Variants in PRPF8 observed in about 807,000 individuals in gnomAD.
The protein encoded by PRPF8 is pre-mRNA processing factor 8.
A neutral mutation model predicts 285.9 loss-of-function variants in PRPF8; 64 were observed. The observed-to-expected ratio is 0.22, with a 90% CI of 0.18 to 0.28. The LOEUF is 0.28. PRPF8 is among the 10% of genes least tolerant of loss of function. The pLI, the probability that PRPF8 is intolerant of heterozygous loss-of-function variation, is 1.00. For missense variants in PRPF8, 1,426 were observed against 3,026.7 expected (o/e 0.47, Z 12.41); for synonymous variants, 1,325 against 1,118.2 (o/e 1.18, Z -3.69).
At chr17:1,656,808 C>T in intron 34 of PRPF8, 47 bp from the exon 35 acceptor site, 4 of 1,470,540 alleles carry the variant, frequency 2.7e-6, no homozygotes, top group Non-Finnish European at 3.8e-6. Flanking sequence ...TCTACCCTCC[C>T]AGATCAACTA....
At chr17:1,657,481 T>TA (rs1911449888) in intron 34 of PRPF8, among the ~76,000 whole-genome samples, 1 of 151,100 alleles carries the variant, frequency 6.6e-6, no homozygotes, top group Non-Finnish European at 1.5e-5. Context: ...CCGTCTCTAC[T>TA]AAAAATACAA....
chr17:1,676,870 AAAAGAAAAG>A lies in PRPF8; in HGVS notation c.2181+97_2181+105del. ...TGCTTCTTTTCCCTGTCTAAAAGGG[AAAAGAAAAG>A]AGATTGGAGCCAGATAGCCCCCTAA... On this transcript the variant is annotated intron_variant, in intron 15 of 42. Coordinates refer to ENST00000304992, the MANE Select transcript of PRPF8 (RefSeq NM_006445.4). This position sits in a 1 kb window ranked among gnomAD's most constrained non-coding sequence, Gnocchi z 6.3. The A allele has an allele frequency of 1.3e-6, 2 of 1,510,260 alleles. No individual in the cohort carries two copies. Among genetic ancestry groups the A allele is most frequent in the Non-Finnish European group, 1.8e-6 (2 of 1,096,784 alleles). The allele number at this position is 1,510,260 out of a possible 1,614,324, so 93.6% of individuals were successfully genotyped here.
At chr17:1,660,931 G>T (rs111803407) in intron 28 of PRPF8, 62 bp downstream of exon 28, 2 of 1,612,472 alleles carry the variant, frequency 1.2e-6, no homozygotes, top group Non-Finnish European at 1.7e-6. Flanking sequence ...AAATCACAGA[G>T]GCATACAAGA....
chr17:1,669,372 T>A (rs868383983), intron 24 of PRPF8, among the ~76,000 whole-genome samples: 5 of 152,352 alleles, frequency 3.3e-5, no homozygotes, highest in Middle Eastern at 3.4e-3. Context: ...CCCAAAGTGC[T>A]GGGATTACGG....
chr17:1,681,787 C>G lies in PRPF8; in HGVS notation c.653+33G>C, dbSNP rs114098620. The G allele has an allele frequency of 1.9e-3, 3,043 of 1,612,756 alleles. 50 individuals carry two copies. In the African/African-American group the frequency reaches 0.036, roughly 19 times the overall value. Reference sequence around the variant, plus strand: ...GACTCCTTCTGCATTTCCAGAACTCCTCCCAGGTGTAGTATCTCCATCTAT... The same window carrying G: ...GACTCCTTCTGCATTTCCAGAACTCGTCCCAGGTGTAGTATCTCCATCTAT... On this transcript the variant is annotated intron_variant, in intron 5 of 42. Transcript: ENST00000304992.
At chr17:1,662,393 A>G (rs1380059787) in intron 24 of PRPF8, among the ~76,000 whole-genome samples, 1 of 152,138 alleles carries the variant, frequency 6.6e-6, no homozygotes, top group East Asian at 1.9e-4. Context: ...GTTGGAGACC[A>G]GCCTGGCCAA....
Position 1,678,580 on chromosome 17 carries a change from G to C in PRPF8, c.1792C>G (p.Leu598Val). The stretch of plus-strand genomic sequence containing the variant: ...TTGCACATGCGAATCTGTCGCATCA[G>C]CTTGTATTTGTATCGATACATGCCC... ...LTGMYRYKYK[L>V]MRQIRMCKDL... The change falls in exon 13 of 43, where the codon CTG becomes GTG. Residue 598 changes from leucine (L) to valine (V), a missense_variant. Physicochemically the swap from Leu to Val is conservative, Grantham distance 32. Around this residue, in one of 34 missense-constraint regions of PRPF8, gnomAD observed 69 missense variants for 134.7 expected, o/e 0.51. Coordinates refer to ENST00000304992, the MANE Select transcript of PRPF8 (RefSeq NM_006445.4). The C allele has an allele frequency of 6.2e-7, 1 of 1,614,232 alleles. No individual in the cohort carries two copies. Among genetic ancestry groups the C allele is most frequent in the Non-Finnish European group, 8.5e-7 (1 of 1,180,038 alleles).
At chr17:1,652,244 A>C (rs1911119313) in intron 39 of PRPF8, 1 of 305,880 alleles carries the variant, frequency 3.3e-6, no homozygotes, top group African/African-American at 2.2e-5. Context: ...GACAGCCACT[A>C]AATAGTGGGT....
In PRPF8 at chr17:1,673,709, T is replaced by C. The variant is rs956267705; in HGVS notation, c.3446+37A>G. Reference sequence around the variant, plus strand: ...ATGCCCTCTCTGGGCCCTTAGCTTATGTCCTTCCAGCTCACACAGCCCCAA... The same window carrying C: ...ATGCCCTCTCTGGGCCCTTAGCTTACGTCCTTCCAGCTCACACAGCCCCAA... On this transcript the variant is annotated intron_variant, in intron 22 of 42. Transcript: ENST00000304992. The surrounding 1 kb of genome is among the most constrained non-coding windows in gnomAD (Gnocchi z 5.5). 36 of 1,613,412 alleles carry C rather than the reference T, an allele frequency of 2.2e-5. No homozygotes were observed. Among genetic ancestry groups the C allele is most frequent in the Non-Finnish European group, 2.7e-5 (32 of 1,179,952 alleles).
At position 1,661,343 on chromosome 17, in the gene PRPF8, G is replaced by A. The variant is rs147414278; in HGVS notation, c.4266C>T (p.Leu1422=). The A allele has an allele frequency of 3.1e-6, 5 of 1,614,210 alleles. No homozygotes were observed. Among genetic ancestry groups the A allele is most frequent in the East Asian group, 2.2e-5 (1 of 44,888 alleles). Residue 1422 remains leucine, a synonymous_variant, in exon 27 of 43, where the codon CTC becomes CTT. Coordinates refer to ENST00000304992, the MANE Select transcript of PRPF8 (RefSeq NM_006445.4). The surrounding 1 kb of genome is among the most constrained non-coding windows in gnomAD (Gnocchi z 7.3). ...WDRGIPRINT[L]FQKDRHTLAY... ...CCAGTGTGTGCCGGTCCTTCTGGAA[G>A]AGGGTATTGATTCGAGGAATGCCAC...
rs1912521302 is a variant in PRPF8 at position 1,674,750 on chromosome 17, T to C, written c.3061-70A>G. The stretch of plus-strand genomic sequence containing the variant: ...CAGGATTCTCCAGAGTTAACCTCTT[T>C]TGTTCTCCCCTCAGCAAATTCTACT... On this transcript the variant is annotated intron_variant, in intron 20 of 42. Coordinates refer to ENST00000304992, the MANE Select transcript of PRPF8 (RefSeq NM_006445.4). 15 of 1,487,748 alleles carry C rather than the reference T, an allele frequency of 1.0e-5. No homozygotes were observed. In the East Asian group the frequency reaches 3.4e-4, roughly 34 times the overall value. The allele number at this position is 1,487,748 out of a possible 1,614,324, so 92.2% of individuals were successfully genotyped here. A position where few individuals can be genotyped will look rare whatever the true frequency, so the allele number is the denominator to read the frequency against.
intron 36 of PRPF8, 76 bp from the exon 37 acceptor site, chr17:1,655,619 A>G: frequency 9.6e-6 from 13 of 1,357,706 alleles, no homozygotes; most frequent in South Asian, 7.3e-5. Context: ...CTTTCATGAA[A>G]CCCAAGAATT....
Position 1,662,173 on chromosome 17 carries a change from A to C in PRPF8, c.3775-20T>G. 6.2e-7 allele frequency: 1 copy of C among 1,614,140 alleles called. No homozygotes were observed. The highest frequency in any genetic ancestry group is 1.1e-5 in the South Asian group (1 of 91,050). ...CACAATCTAAAGGTAGTAGAAAAAA[A>C]AGTAAATTACAGATGAGCCAGGGGC... On this transcript the variant is annotated intron_variant, in intron 24 of 42. Coordinates refer to ENST00000304992, the MANE Select transcript of PRPF8 (RefSeq NM_006445.4).
At chr17:1,677,992 T>A (rs186661874) in intron 13 of PRPF8, among the ~76,000 whole-genome samples, 6 of 152,180 alleles carry the variant, frequency 3.9e-5, no homozygotes, top group African/African-American at 1.4e-4. Flanking sequence ...CCTGTCTAAA[T>A]GTATACATGA....
intron 24 of PRPF8, among the ~76,000 whole-genome samples, chr17:1,669,980 G>T (rs1353822679): frequency 6.6e-6 from 1 of 152,148 alleles, no homozygotes; most frequent in Non-Finnish European, 1.5e-5. Flanking sequence ...TGTTTCTTCA[G>T]ATTGCTTCTC....
At chr17:1,660,409 C>A (rs1176010859) in intron 30 of PRPF8, 23 bp downstream of exon 30, 2 of 1,613,382 alleles carry the variant, frequency 1.2e-6, no homozygotes, top group African/African-American at 2.7e-5. Context: ...CTACAGTACC[C>A]TCTCCCCTCG....
Position 1,653,512 on chromosome 17 carries a change from A to G in PRPF8, c.6369+30T>C. ...TAGGCACAAAATGAGTTGGGCACAC[A>G]CTGTGGCCTAGCTGAGTCCACTTAC... On this transcript the variant is annotated intron_variant, in intron 39 of 42. Coordinates refer to ENST00000304992, the MANE Select transcript of PRPF8 (RefSeq NM_006445.4). This position sits in a 1 kb window ranked among gnomAD's most constrained non-coding sequence, Gnocchi z 4.9. The G allele has an allele frequency of 6.2e-7, 1 of 1,614,126 alleles. No homozygotes were observed. Among genetic ancestry groups the G allele is most frequent in the Non-Finnish European group, 8.5e-7 (1 of 1,179,946 alleles).
Position 1,675,764 on chromosome 17 carries a change from C to T in PRPF8, c.2728G>A (p.Asp910Asn). 1 of 1,614,138 alleles carries T rather than the reference C, an allele frequency of 6.2e-7. No homozygotes were observed. Among genetic ancestry groups the T allele is most frequent in the Non-Finnish European group, 8.5e-7 (1 of 1,180,038 alleles). ...DLYSHLVPVY[D>N]VEPLEKITDA... Reference sequence around the variant, plus strand: ...GTTATCTTCTCCAGGGGCTCAACATCATATACTGGAACGAGGTGGCTATAC... The same window carrying T: ...GTTATCTTCTCCAGGGGCTCAACATTATATACTGGAACGAGGTGGCTATAC... Residue 910 changes from aspartate to asparagine, a missense_variant, in exon 19 of 43, where the codon GAT becomes AAT. Coordinates refer to ENST00000304992, the MANE Select transcript of PRPF8 (RefSeq NM_006445.4). The surrounding 1 kb of genome is among the most constrained non-coding windows in gnomAD (Gnocchi z 6.0).
rs765847541 is a variant in PRPF8, at chr17:1,683,544, C to T, written c.258G>A (p.Arg86=). The change falls in exon 3 of 43, where the codon AGG becomes AGA. Residue 86 remains arginine (R), a synonymous_variant. Transcript: ENST00000304992. ...MTNRKFRHDK[R]VYLGALKYMP... ...AGGATGTTCCTTACCCCAAGTAAACCCTTTTGTCATGGCGGAACTTCCTGT... is the reference window on the plus strand; with the variant it reads ...AGGATGTTCCTTACCCCAAGTAAACTCTTTTGTCATGGCGGAACTTCCTGT... 11 of 1,614,126 alleles carry T rather than the reference C, an allele frequency of 6.8e-6. No homozygotes were observed. The highest frequency in any genetic ancestry group is 9.3e-6 in the Non-Finnish European group (11 of 1,180,008).
Sources: allele counts gnomAD v4.1 joint callset (sites outside exome capture counted in the v4.1 genomes callset), GRCh38; gene constraint gnomAD v4.1.1; regional missense constraint gnomAD v4.1.1; non-coding constraint Gnocchi (gnomAD v3.1); transcripts MANE v1.5; gene names NCBI Gene and HGNC (gene_info 2026-07-23, HGNC 2026-07-21).